Variants in MEGF6 observed in about 807,000 individuals in gnomAD.
The protein encoded by MEGF6 is multiple epidermal growth factor-like domains protein 6.
MEGF6 carries 184 observed loss-of-function variants against 207.1 expected under a neutral mutation model. The observed-to-expected ratio is 0.89, with a 90% CI of 0.79 to 1.00. The LOEUF (loss-of-function observed/expected upper bound fraction) is 1.00. Ranked by LOEUF, MEGF6 falls within the 50% of genes least tolerant of loss-of-function variation. The pLI is 0.00. For synonymous variants in MEGF6, 1,038 were observed against 910.0 expected (o/e 1.14, Z -2.53); for missense variants, 2,282 against 2,202.9 (o/e 1.04, Z -0.72).
At chr1:3,498,586 G>A in intron 25 of MEGF6, 87 bp from the exon 26 acceptor site, 1 of 1,487,048 alleles carries the variant, frequency 6.7e-7, no homozygotes, top group Non-Finnish European at 9.0e-7. Context: ...ACGCAGAGCT[G>A]AAGCCTACAC....
chr1:3,519,933 G>C (rs1641682088), intron 5 of MEGF6, among the ~76,000 whole-genome samples: 2 of 152,164 alleles, frequency 1.3e-5, no homozygotes, highest in African/African-American at 4.8e-5. Context: ...GCCACCCCCA[G>C]CCGTGTGCAC....
intron 4 of MEGF6, among the ~76,000 whole-genome samples, chr1:3,564,634 TC>T (rs1643295675): frequency 6.6e-6 from 1 of 152,030 alleles, no homozygotes; most frequent in Non-Finnish European, 1.5e-5. Flanking sequence ...CCACACAACC[TC>T]CTCACTGGAC....
Position 3,560,591 on chromosome 1 carries a change from T to C in MEGF6, c.481+19234A>G. ...TTGAGGGGCTGAGAGGCCCCCCTGT[T>C]CTCCAAGAGAAACGCTCCATAGGCA... On this transcript the variant is annotated intron_variant, in intron 4 of 36. Coordinates refer to ENST00000356575, the MANE Select transcript of MEGF6 (RefSeq NM_001409.4). This position sits in a 1 kb window ranked among gnomAD's most constrained non-coding sequence, Gnocchi z 4.0. 1 of 369,988 alleles carries C rather than the reference T, an allele frequency of 2.7e-6. No individual in the cohort carries two copies. Among genetic ancestry groups the C allele is most frequent in the South Asian group, 2.0e-5 (1 of 49,274 alleles). The allele number at this position is 369,988 out of a possible 1,614,324, so 22.9% of individuals were successfully genotyped here. A position where few individuals can be genotyped will look rare whatever the true frequency, so the allele number is the denominator to read the frequency against.
At chr1:3,501,389 G>C (rs986618268) in intron 18 of MEGF6, 81 bp from the exon 19 acceptor site, 4 of 1,499,584 alleles carry the variant, frequency 2.7e-6, no homozygotes, top group Middle Eastern at 3.5e-4. Flanking sequence ...GATGCCCCTG[G>C]AGCCACGGCC....
intron 4 of MEGF6, among the ~76,000 whole-genome samples, chr1:3,536,839 G>A (rs930353451): frequency 6.6e-6 from 1 of 152,320 alleles, no homozygotes. Context: ...CCCTGACTCC[G>A]GAACTTCAGG....
At chr1:3,492,911 G>A in intron 34 of MEGF6, 144 bp from the exon 35 acceptor site, 3 of 1,178,862 alleles carry the variant, frequency 2.5e-6, no homozygotes, top group Non-Finnish European at 3.5e-6. Context: ...AAGACCTTGG[G>A]CCTCGGTTTC....
intron 4 of MEGF6, among the ~76,000 whole-genome samples, chr1:3,548,620 T>A (rs958233049): frequency 3.3e-5 from 5 of 152,152 alleles, no homozygotes; most frequent in African/African-American, 1.2e-4. Context: ...GCACCCAAGC[T>A]CTGGGACCTG....
In MEGF6 at chr1:3,505,353, TGA is replaced by T. The variant is rs775925094; in HGVS notation, c.2054-13_2054-12del. ...AGCCCAGCTCACACTCTGCAGGGCG[TGA>T]GAGAGGGGTGGGTGGGGTTAACCGA... is the stretch of plus-strand genomic sequence containing the variant. On this transcript the variant is annotated splice_polypyrimidine_tract_variant and intron_variant, in intron 16 of 36. Coordinates refer to ENST00000356575, the MANE Select transcript of MEGF6 (RefSeq NM_001409.4). The T allele has an allele frequency of 1.1e-5, 18 of 1,607,194 alleles. No homozygotes were observed. The highest frequency in any genetic ancestry group is 1.7e-5 in the Admixed American group (1 of 59,286).
chr1:3,543,805 G>A (rs1027069907), intron 4 of MEGF6, among the ~76,000 whole-genome samples: 2 of 152,232 alleles, frequency 1.3e-5, no homozygotes, highest in South Asian at 2.1e-4. Context: ...GATACGGGTC[G>A]AGGCCCGGGC....
chr1:3,524,717 G>A (rs1256089689), intron 4 of MEGF6, among the ~76,000 whole-genome samples: 1 of 152,208 alleles, frequency 6.6e-6, no homozygotes, highest in Non-Finnish European at 1.5e-5. Flanking sequence ...CTTCAAGAGT[G>A]TCCCCGCAGT....
chr1:3,504,336 C>T (rs1047318913), intron 17 of MEGF6, among the ~76,000 whole-genome samples: 2 of 152,244 alleles, frequency 1.3e-5, no homozygotes, highest in African/African-American at 2.4e-5. Flanking sequence ...TTACTCATGC[C>T]GAGGGCGTCT....
At chr1:3,494,205 A>G in intron 32 of MEGF6, 81 bp from the exon 33 acceptor site, 1 of 1,501,164 alleles carries the variant, frequency 6.7e-7, no homozygotes, top group Non-Finnish European at 8.9e-7. Context: ...AAAACCCGCC[A>G]ATCCAGGGGC....
chr1:3,523,548 T>C (rs546928078), intron 5 of MEGF6, among the ~76,000 whole-genome samples: 2 of 152,210 alleles, frequency 1.3e-5, no homozygotes, highest in African/African-American at 4.8e-5. Context: ...TCGTCACCCC[T>C]ACCCTACCTG....
the MEGF6 span, among the ~76,000 whole-genome samples, chr1:3,621,241 G>A: frequency 1.3e-5 from 2 of 152,218 alleles, no homozygotes; most frequent in African/African-American, 4.8e-5. Context: ...TCAGTAGTGG[G>A]TGCTTTTCCC....
At position 3,509,182 on chromosome 1, in the gene MEGF6, A is replaced by G. The variant is rs376547606; in HGVS notation, c.1421T>C (p.Ile474Thr). ...CGGCAGCTCGTCCTGGAGCACGGCA[A>G]TGTGGGGCAGGGGCCGCACGAAAGG... is the stretch of plus-strand genomic sequence containing the variant. ...ELPFVRPLPH[I>T]AVLQDELPQL... The change falls in exon 12 of 37, where the codon ATT (isoleucine) becomes ACT (threonine). Residue 474 changes from isoleucine (I) to threonine (T), a missense_variant. Coordinates refer to ENST00000356575, the MANE Select transcript of MEGF6 (RefSeq NM_001409.4). 3.2e-6 allele frequency: 5 copies of G among 1,579,248 alleles called. No homozygotes were observed. The African/African-American group carries it at 5.4e-5, about 17-fold the overall frequency.
In MEGF6 at chr1:3,548,701, A is replaced by G. The variant is rs561454120; in HGVS notation, c.482-24455T>C. On this transcript the variant is annotated intron_variant, in intron 4 of 36. Coordinates refer to ENST00000356575, the MANE Select transcript of MEGF6 (RefSeq NM_001409.4). ...CCAGGCAGGTGGGGCTGGACGCCAG[A>G]TGAGCTTCCACACAGCTGCTGGCAC... is the stretch of plus-strand genomic sequence containing the variant. Among the ~76,000 whole-genome samples, 3 of 152,254 alleles carry G rather than the reference A, an allele frequency of 2.0e-5. No homozygotes were observed. In the South Asian group the frequency reaches 6.2e-4, roughly 31 times the overall value.
upstream of MEGF6, among the ~76,000 whole-genome samples, chr1:3,614,551 T>C (rs557149081): frequency 2.0e-5 from 3 of 152,366 alleles, no homozygotes; most frequent in African/African-American, 7.2e-5. Context: ...TGTGGGACAG[T>C]TACTGCAAAC....
At chr1:3,572,585 G>C (rs530213000) in intron 4 of MEGF6, among the ~76,000 whole-genome samples, 1 of 147,054 alleles carries the variant, frequency 6.8e-6, no homozygotes, top group Admixed American at 6.8e-5. Flanking sequence ...TCCTGTGTGT[G>C]ATGGGTTCTC....
chr1:3,497,803 T>G (rs1244004357), intron 26 of MEGF6, among the ~76,000 whole-genome samples: 2 of 152,174 alleles, frequency 1.3e-5, no homozygotes, highest in Non-Finnish European at 2.9e-5. Context: ...GCTCCTGACC[T>G]GAGCAAGGGA....
Sources: gnomAD v4.1 joint callset for allele counts (sites outside exome capture counted in the v4.1 genomes callset) on GRCh38, gnomAD v4.1.1 for gene constraint, Gnocchi (gnomAD v3.1) non-coding constraint, MANE v1.5 for transcripts, NCBI Gene and HGNC (gene_info 2026-07-23, HGNC 2026-07-21) for gene names.